The following JARID2 variants were observed in gnomAD, a reference collection of about 807,000 sequenced individuals.
JARID2 encodes jumonji and AT-rich interaction domain containing 2.
In JARID2, 21 loss-of-function variants were observed where a neutral mutation model predicts 125.6. The ratio of observed to expected loss-of-function variants is 0.17; its 90% CI spans 0.12 to 0.24. The LOEUF (loss-of-function observed/expected upper bound fraction) is 0.24. JARID2 is among the 10% of genes least tolerant of loss of function. JARID2 has a pLI of 1.00. For synonymous variants in JARID2, 736 were observed against 661.6 expected (o/e 1.11, Z -1.73); for missense variants, 1,303 against 1,639.6 (o/e 0.79, Z 3.55).
chr6:15,287,796 T>G (rs1302817022), intron 1 of JARID2, among the ~76,000 whole-genome samples: 1 of 152,174 alleles, frequency 6.6e-6, no homozygotes, highest in East Asian at 1.9e-4. Flanking sequence ...AACATGCCCA[T>G]AGCTGCACCC....
intron 9 of JARID2, 109 bp downstream of exon 9, chr6:15,504,701 C>T (rs1294881067): frequency 2.8e-6 from 2 of 717,326 alleles, no homozygotes; most frequent in East Asian, 2.7e-5. Context: ...ACGGAAAGGA[C>T]TCAGATGGGG....
At chr6:15,519,659 A>T (rs1248975021) in intron 17 of JARID2, among the ~76,000 whole-genome samples, 1 of 152,214 alleles carries the variant, frequency 6.6e-6, no homozygotes, top group Non-Finnish European at 1.5e-5. Context: ...GTTTGCATTT[A>T]CTTGCATGGC....
At chr6:15,329,988 T>G (rs976241829) in intron 1 of JARID2, among the ~76,000 whole-genome samples, 3 of 152,228 alleles carry the variant, frequency 2.0e-5, no homozygotes, top group African/African-American at 7.2e-5. Context: ...ACTGGGTTTC[T>G]GGGTTTTTAC....
intron 1 of JARID2, chr6:15,247,354 A>G (rs1759218710): frequency 1.2e-6 from 1 of 856,540 alleles, no homozygotes; most frequent in African/African-American, 1.8e-5. Flanking sequence ...GAATAGTTAA[A>G]TTTGTTTTGT....
chr6:15,374,357 C>T (rs1764274090), intron 2 of JARID2, 105 bp downstream of exon 2: 1 of 1,173,460 alleles, frequency 8.5e-7, no homozygotes, highest in Admixed American at 1.9e-5. Context: ...CTGGTCTAGG[C>T]ACCTAAAGGC....
Position 15,364,081 on chromosome 6 carries a change from C to T in JARID2, c.46-10036C>T, listed in dbSNP as rs924739903. On this transcript the variant is annotated intron_variant, in intron 1 of 17. Coordinates refer to ENST00000341776, the MANE Select transcript of JARID2 (RefSeq NM_004973.4). ...AGATAACCAGTCTTGTGACAATATA[C>T]GTATACTTCTGTTTATTTCCTTGCT... 3.3e-5 allele frequency among the ~76,000 whole-genome samples: 5 copies of T among 152,120 alleles called. No homozygotes were observed. In the East Asian group the frequency reaches 9.6e-4, roughly 29 times the overall value.
At chr6:15,271,392 C>T (rs1412792362) in intron 1 of JARID2, among the ~76,000 whole-genome samples, 1 of 152,210 alleles carries the variant, frequency 6.6e-6, no homozygotes, top group East Asian at 1.9e-4. Flanking sequence ...TGATTTTGTT[C>T]TTGGTGCAGT....
intron 1 of JARID2, chr6:15,248,435 G>T (rs895176211): frequency 7.2e-6 from 1 of 138,686 alleles, no homozygotes; most frequent in Admixed American, 7.1e-5. Context: ...CGGGGAGGGG[G>T]TGGGAGCGGG....
intron 2 of JARID2, among the ~76,000 whole-genome samples, chr6:15,397,801 T>G (rs539259865): frequency 3.3e-5 from 5 of 152,290 alleles, no homozygotes; most frequent in African/African-American, 4.8e-5. Flanking sequence ...TCCCAAATAT[T>G]ATCTAAGAGA....
intron 1 of JARID2, among the ~76,000 whole-genome samples, chr6:15,300,683 T>TTGTGTGTG (rs35433395): frequency 0.013 from 1,500 of 114,176 alleles, 19 homozygotes; most frequent in East Asian, 0.041. Context: ...TGTCCTCATG[T>TTGTGTGTG]TGTGTGTGTG....
chr6:15,392,135 T>C (rs1402792802), intron 2 of JARID2, among the ~76,000 whole-genome samples: 1 of 151,996 alleles, frequency 6.6e-6, no homozygotes, highest in African/African-American at 2.4e-5. Context: ...AGTGCCACTT[T>C]GTCCAGAGTA....
intron 1 of JARID2, among the ~76,000 whole-genome samples, chr6:15,257,509 A>G (rs777081104): frequency 7.9e-5 from 12 of 152,054 alleles, no homozygotes; most frequent in African/African-American, 1.2e-4. Flanking sequence ...AGTTACCACT[A>G]TTTTCTTGAC....
chr6:15,255,025 CA>C (rs539161155), intron 1 of JARID2, among the ~76,000 whole-genome samples: 43 of 141,600 alleles, frequency 3.0e-4, no homozygotes, highest in South Asian at 2.3e-3. Context: ...AAACAAAAAA[CA>C]AAAAAAAAAC....
chr6:15,452,498 A>T (rs985374565), intron 4 of JARID2, among the ~76,000 whole-genome samples: 1 of 152,152 alleles, frequency 6.6e-6, no homozygotes, highest in Non-Finnish European at 1.5e-5. Context: ...ACACACACAC[A>T]TTGCTGACTT....
At chr6:15,433,382 A>G (rs1262245381) in intron 3 of JARID2, among the ~76,000 whole-genome samples, 2 of 148,590 alleles carry the variant, frequency 1.3e-5, no homozygotes, top group East Asian at 2.0e-4. Flanking sequence ...TGTTGGCTGC[A>G]TGCCTCCTCC....
At chr6:15,289,712 GGT>G (rs1267218340) in intron 1 of JARID2, among the ~76,000 whole-genome samples, 1 of 152,136 alleles carries the variant, frequency 6.6e-6, no homozygotes, top group Non-Finnish European at 1.5e-5. Context: ...CGGGCGTGGT[GGT>G]GTATTCCTGT....
At chr6:15,341,832 GGA>G (rs1379558407) in intron 1 of JARID2, among the ~76,000 whole-genome samples, 4 of 152,154 alleles carry the variant, frequency 2.6e-5, no homozygotes, top group Non-Finnish European at 4.4e-5. Flanking sequence ...TAATATTATG[GGA>G]GGGTGTGTGA....
intron 1 of JARID2, among the ~76,000 whole-genome samples, chr6:15,249,710 T>C (rs1759364794): frequency 6.6e-6 from 1 of 152,178 alleles, no homozygotes; most frequent in Non-Finnish European, 1.5e-5. Context: ...CCATTTAGTT[T>C]ATTACCTTAG....
intron 1 of JARID2, among the ~76,000 whole-genome samples, chr6:15,294,916 A>T (rs1761352326): frequency 6.6e-6 from 1 of 152,114 alleles, no homozygotes; most frequent in Admixed American, 6.6e-5. Context: ...TTAGGAAGAG[A>T]GTGTAATGAA....
Sources: allele counts gnomAD v4.1 joint callset (sites outside exome capture counted in the v4.1 genomes callset), GRCh38; gene constraint gnomAD v4.1.1; transcripts MANE v1.5; gene names NCBI Gene and HGNC (gene_info 2026-07-23, HGNC 2026-07-21).